The following FOCAD variants were observed in gnomAD, a reference collection of about 807,000 sequenced individuals.
FOCAD encodes the protein KIAA1797.
In FOCAD, 198 loss-of-function variants were observed where a neutral mutation model predicts 225.6. The observed-to-expected ratio is 0.88, with a 90% CI of 0.78 to 0.99. FOCAD has a LOEUF of 0.99. Among genes scored for constraint, FOCAD ranks in the 50% least tolerant of loss-of-function variants. The probability of loss-of-function intolerance (pLI) is 0.00; values close to 1 mark genes in which losing one functional copy is unlikely to be tolerated. For synonymous variants in FOCAD, 897 were observed against 755.0 expected, an observed-to-expected ratio of 1.19 and a Z score of -3.08; for missense variants, 2,713 against 2,123.6, an observed-to-expected ratio of 1.28 and a Z score of -5.46.
chr9:20,963,683 C>T (rs943812865), intron 35 of FOCAD, among the ~76,000 whole-genome samples: 3 of 152,166 alleles, frequency 2.0e-5, no homozygotes, highest in Non-Finnish European at 2.9e-5. Context: ...TTCTATGAAT[C>T]ATGTGCTAAG....
At chr9:20,919,689 C>A (rs548095700) in intron 24 of FOCAD, among the ~76,000 whole-genome samples, 163 of 152,232 alleles carry the variant, frequency 1.1e-3, no homozygotes, top group Non-Finnish European at 1.9e-3. Context: ...TTTGACAAAC[C>A]TGAGAAAAAC....
intron 15 of FOCAD, among the ~76,000 whole-genome samples, chr9:20,837,036 C>T (rs1344967574): frequency 2.0e-5 from 3 of 152,010 alleles, no homozygotes; most frequent in Admixed American, 6.6e-5. Context: ...GCTCTCTGCC[C>T]TTTAGTATTC....
intron 24 of FOCAD, among the ~76,000 whole-genome samples, chr9:20,921,466 A>G (rs1255346018): frequency 6.6e-6 from 1 of 152,200 alleles, no homozygotes; most frequent in African/African-American, 2.4e-5. Context: ...AACCAGTTAT[A>G]GATTCCCACC....
In FOCAD at chr9:20,778,737, A is replaced by G. The variant is rs1382958199; in HGVS notation, c.963A>G (p.Pro321=). ...IGIALLLLQT[P]ASQQKPILNL... is the part of the protein sequence containing the mutation. The stretch of plus-strand genomic sequence containing the variant: ...TAGCTTTACTACTTCTACAGACTCC[A>G]GCAAGTCAGCAGAAGCCAATCTTAA... Residue 321 remains proline (P), a synonymous_variant, in exon 9 of 44, where the codon CCA becomes CCG. Transcript: ENST00000338382. 3.7e-6 allele frequency: 6 copies of G among 1,611,674 alleles called. No individual in the cohort carries two copies. The highest frequency in any genetic ancestry group is 5.1e-6 in the Non-Finnish European group (6 of 1,178,290).
chr9:20,802,548 G>T (rs756712587), intron 11 of FOCAD, among the ~76,000 whole-genome samples: 1 of 152,034 alleles, frequency 6.6e-6, no homozygotes, highest in Non-Finnish European at 1.5e-5. Flanking sequence ...TTGGGCTTTG[G>T]TATGTGTGTT....
intron 21 of FOCAD, among the ~76,000 whole-genome samples, chr9:20,903,067 CA>C (rs1489539124): frequency 6.6e-6 from 1 of 151,802 alleles, no homozygotes; most frequent in African/African-American, 2.4e-5. Context: ...CACATTCCTC[CA>C]ACCAGCACCA....
At chr9:20,766,945 A>T (rs1378320897) in intron 7 of FOCAD, among the ~76,000 whole-genome samples, 4 of 152,090 alleles carry the variant, frequency 2.6e-5, no homozygotes, top group African/African-American at 9.7e-5. Context: ...ATCTAGCATT[A>T]GGTATATCTC....
At chr9:20,814,923 C>T (rs75506485) in intron 11 of FOCAD, among the ~76,000 whole-genome samples, 6,405 of 151,932 alleles carry the variant, frequency 0.042, 185 homozygotes, top group African/African-American at 0.082. Context: ...AAGTGATTCA[C>T]GCACCACTGT....
At chr9:20,761,587 A>G (rs1464411566) in intron 6 of FOCAD, among the ~76,000 whole-genome samples, 1 of 151,794 alleles carries the variant, frequency 6.6e-6, no homozygotes, top group Non-Finnish European at 1.5e-5. Context: ...TGCCTGGCTA[A>G]TTTTTTGTAT....
At chr9:20,874,099 A>T (rs1309628179) in intron 18 of FOCAD, 1 of 152,204 alleles carries the variant, frequency 6.6e-6, no homozygotes, top group Non-Finnish European at 1.5e-5. Flanking sequence ...TGCAAATTAG[A>T]CACAATAATG....
intron 36 of FOCAD, 100 bp downstream of exon 36, chr9:20,976,648 C>G (rs752058239): frequency 1.6e-5 from 20 of 1,248,630 alleles, no homozygotes; most frequent in African/African-American, 3.0e-5. Flanking sequence ...ACTGGATAGA[C>G]TTTTCAGATC....
chr9:20,968,851 G>A (rs1387444746), intron 35 of FOCAD, among the ~76,000 whole-genome samples: 2 of 152,000 alleles, frequency 1.3e-5, no homozygotes, highest in South Asian at 2.1e-4. Context: ...TAAAGTTAGG[G>A]ATATTGATTA....
At chr9:20,905,604 C>A (rs571937559) in intron 21 of FOCAD, among the ~76,000 whole-genome samples, 3 of 151,368 alleles carry the variant, frequency 2.0e-5, no homozygotes, top group Non-Finnish European at 4.4e-5. Flanking sequence ...AAATAGGGCT[C>A]GAAGATAATT....
rs570908554 is a variant in FOCAD at position 20,813,738 on chromosome 9, G to T, written c.1456-6058G>T. ...AGAACGTTCTATGTGAGTTTGTTAGGACCATTTGGTCTACAGTGTTGTTGA... is the reference window on the plus strand; with the variant it reads ...AGAACGTTCTATGTGAGTTTGTTAGTACCATTTGGTCTACAGTGTTGTTGA... On this transcript the variant is annotated intron_variant, in intron 11 of 43. Coordinates refer to ENST00000338382, the MANE Select transcript of FOCAD (RefSeq NM_001375567.1). Among the ~76,000 whole-genome samples the T allele has an allele frequency of 7.9e-5, 12 of 152,238 alleles. 1 individual carries two copies. The South Asian group carries it at 2.3e-3, about 29-fold the overall frequency.
intron 39 of FOCAD, among the ~76,000 whole-genome samples, chr9:20,983,564 CTG>C (rs1485198065): frequency 9.6e-5 from 12 of 125,298 alleles, no homozygotes; most frequent in African/African-American, 2.5e-4. Flanking sequence ...GAACGAGACT[CTG>C]TCTCAAAAAA....
rs1827695207 is a variant in FOCAD at position 20,742,335 on chromosome 9, A to G, written c.392+1995A>G. ...TACAAAGTGGTGTGTCAGCTGCTCT[A>G]AAATGTGCATCCTAATTACTTGGGG... On this transcript the variant is annotated intron_variant, in intron 5 of 43. Transcript: ENST00000338382. Among the ~76,000 whole-genome samples the G allele has an allele frequency of 2.0e-5, 3 of 152,332 alleles. No individual in the cohort carries two copies. In the South Asian group the frequency reaches 6.2e-4, roughly 32 times the overall value.
chr9:20,993,620 T>C (rs973563401), intron 43 of FOCAD, among the ~76,000 whole-genome samples: 2 of 152,218 alleles, frequency 1.3e-5, no homozygotes, highest in Non-Finnish European at 2.9e-5. Flanking sequence ...ATTTTGTACA[T>C]GAATCAAGGT....
At chr9:20,922,665 G>A (rs1217808812) in intron 24 of FOCAD, among the ~76,000 whole-genome samples, 4 of 152,208 alleles carry the variant, frequency 2.6e-5, no homozygotes, top group Non-Finnish European at 4.4e-5. Flanking sequence ...TAAGCAGGAA[G>A]TGGTTCTTGG....
At chr9:20,811,388 CT>C (rs2131352942) in intron 11 of FOCAD, among the ~76,000 whole-genome samples, 1 of 152,128 alleles carries the variant, frequency 6.6e-6, no homozygotes, top group Non-Finnish European at 1.5e-5. Context: ...TCAATAAATG[CT>C]AGCTGTTGTT....
Sources: allele counts gnomAD v4.1 joint callset (sites outside exome capture counted in the v4.1 genomes callset), GRCh38; gene constraint gnomAD v4.1.1; transcripts MANE v1.5; gene names NCBI Gene and HGNC (gene_info 2026-07-23, HGNC 2026-07-21).